Variants in TMEM169 observed in about 807,000 individuals in gnomAD.
TMEM169 encodes the protein transmembrane protein 169.
TMEM169 carries 18 observed loss-of-function variants against 27.3 expected under a neutral mutation model. The ratio of observed to expected loss-of-function variants is 0.66; its 90% CI spans 0.46 to 0.98. TMEM169 has a LOEUF of 0.98. TMEM169 is among the 50% of genes least tolerant of loss of function. TMEM169 has a pLI of 0.00. For synonymous variants in TMEM169, 136 were observed against 142.1 expected, an observed-to-expected ratio of 0.96 and a Z score of 0.30; for missense variants, 320 against 368.6, an observed-to-expected ratio of 0.87 and a Z score of 1.08.
intron 1 of TMEM169, among the ~76,000 whole-genome samples, chr2:216,083,155 G>A (rs577541637): frequency 2.0e-5 from 3 of 152,132 alleles, no homozygotes; most frequent in Non-Finnish European, 2.9e-5. Flanking sequence ...GTTAAAGAAA[G>A]GAATAAATCT....
At chr2:216,090,242 A>G (rs1696093923) in intron 1 of TMEM169, among the ~76,000 whole-genome samples, 1 of 152,196 alleles carries the variant, frequency 6.6e-6, no homozygotes, top group South Asian at 2.1e-4. Context: ...AAGAGCCAGT[A>G]GAAGGAAGTT....
intron 1 of TMEM169, among the ~76,000 whole-genome samples, chr2:216,090,900 CTG>C (rs1696106207): frequency 6.6e-6 from 1 of 152,192 alleles, no homozygotes; most frequent in South Asian, 2.1e-4. Flanking sequence ...TAGGAAAACA[CTG>C]TTTTTACAGT....
chr2:216,096,079 A>C lies in TMEM169; in HGVS notation c.116A>C (p.His39Pro), dbSNP rs781248619. Residue 39 changes from histidine (H) to proline (P), a missense_variant, in exon 2 of 3, where the codon CAC (histidine) becomes CCC (proline). Transcript: ENST00000437356. ...LALDGESTMG[H>P]RKKKRKESRP... ...CTGGATGGGGAATCCACAATGGGGC[A>C]CAGGAAAAAGAAGAGGAAAGAGTCA... The C allele has an allele frequency of 1.8e-5, 29 of 1,614,112 alleles. 1 individual carries two copies. In the South Asian group the frequency reaches 2.1e-4, roughly 12 times the overall value.
At position 216,102,378 on chromosome 2, in the gene TMEM169, A is replaced by T. The variant is rs1046149547; in HGVS notation, c.*1836A>T. On this transcript the variant is annotated 3_prime_UTR_variant, in exon 3 of 3. Coordinates refer to ENST00000437356, the MANE Select transcript of TMEM169 (RefSeq NM_001142311.2). ...ATTAACAGACTCTGAACTTAAAAAA[A>T]AAAATCACTCCTAAGGGTGTCCTTC... 1.3e-5 allele frequency: 2 copies of T among 152,424 alleles called. No individual in the cohort carries two copies. The highest frequency in any genetic ancestry group is 4.8e-5 in the African/African-American group (2 of 41,452). 9.4% of individuals were successfully genotyped at this position (152,424 alleles called of 1,614,324 possible). A position where few individuals can be genotyped will look rare whatever the true frequency, so the allele number is the denominator to read the frequency against.
intron 1 of TMEM169, among the ~76,000 whole-genome samples, chr2:216,085,447 A>C (rs1449381911): frequency 6.6e-6 from 1 of 152,200 alleles, no homozygotes; most frequent in Admixed American, 6.5e-5. Flanking sequence ...TGAGTGAGGA[A>C]TTGATTGGAA....
chr2:216,085,423 A>G (rs935350123), intron 1 of TMEM169, among the ~76,000 whole-genome samples: 1 of 152,114 alleles, frequency 6.6e-6, no homozygotes, highest in Non-Finnish European at 1.5e-5. Flanking sequence ...TAAGTAAAAG[A>G]TGTTGCTTAC....
In TMEM169 at chr2:216,101,391, G is replaced by C. The variant is rs1294050864; in HGVS notation, c.*849G>C. Reference sequence around the variant, plus strand: ...AAAGAGGCTGGAAATGTAGTTGTTTGGCTGGGTAGCTATATTCTCAGCTAA... The same window carrying C: ...AAAGAGGCTGGAAATGTAGTTGTTTCGCTGGGTAGCTATATTCTCAGCTAA... On this transcript the variant is annotated 3_prime_UTR_variant, in exon 3 of 3. Coordinates refer to ENST00000437356, the MANE Select transcript of TMEM169 (RefSeq NM_001142311.2). 6.6e-6 allele frequency: 1 copy of C among 152,250 alleles called. No individual in the cohort carries two copies. Among genetic ancestry groups the C allele is most frequent in the East Asian group, 1.9e-4 (1 of 5,202 alleles). The allele number at this position is 152,250 out of a possible 1,614,324, so 9.4% of individuals were successfully genotyped here. A position where few individuals can be genotyped will look rare whatever the true frequency, so the allele number is the denominator to read the frequency against.
chr2:216,088,095 T>A (rs1488866658), intron 1 of TMEM169, among the ~76,000 whole-genome samples: 1 of 149,992 alleles, frequency 6.7e-6, no homozygotes. Flanking sequence ...GAGGCTGAGG[T>A]TGCAGTGAGC....
At chr2:216,092,335 C>T (rs1696152853) in intron 1 of TMEM169, among the ~76,000 whole-genome samples, 1 of 152,112 alleles carries the variant, frequency 6.6e-6, no homozygotes, top group South Asian at 2.1e-4. Flanking sequence ...GAGTGTCGAA[C>T]ACTACACCTT....
chr2:216,098,755 G>C (rs1053921866), intron 2 of TMEM169, among the ~76,000 whole-genome samples: 14 of 149,716 alleles, frequency 9.4e-5, no homozygotes, highest in African/African-American at 2.9e-4. Flanking sequence ...GTGCGGTGTG[G>C]GTGTGGTGTA....
At chr2:216,088,394 G>A (rs1421390037) in intron 1 of TMEM169, among the ~76,000 whole-genome samples, 1 of 152,220 alleles carries the variant, frequency 6.6e-6, no homozygotes, top group Non-Finnish European at 1.5e-5. Context: ...AACCCGGGAG[G>A]CGGAGCTTGC....
In TMEM169 at chr2:216,099,936, T is replaced by C. The variant is rs372665623; in HGVS notation, c.288T>C (p.Pro96=). 1.1e-5 allele frequency: 18 copies of C among 1,613,036 alleles called. No homozygotes were observed. Among genetic ancestry groups the C allele is most frequent in the Admixed American group, 5.0e-5 (3 of 59,832 alleles). Residue 96 remains proline, a synonymous_variant, in exon 3 of 3, where the codon CCT becomes CCC. Transcript: ENST00000437356. This position sits in a 1 kb window ranked among gnomAD's most constrained non-coding sequence, Gnocchi z 5.0. ...YPVDDDMWNL[P]LDSRYVTLTG... ...ACCCTGCAGATATGTGGAACCTGCC[T>C]CTGGACAGCCGCTACGTCACCTTAA...
intron 2 of TMEM169, among the ~76,000 whole-genome samples, chr2:216,096,772 G>A (rs1322579687): frequency 1.3e-5 from 2 of 152,166 alleles, no homozygotes; most frequent in African/African-American, 4.8e-5. Flanking sequence ...CTAATGAAAT[G>A]GAAGAGGCTG....
chr2:216,096,313 C>G, intron 2 of TMEM169, 79 bp downstream of exon 2: 1 of 1,455,508 alleles, frequency 6.9e-7, no homozygotes, highest in Non-Finnish European at 9.3e-7. Flanking sequence ...CAGGCATATG[C>G]TCACTGTCCT....
chr2:216,095,934 T>C lies in TMEM169; in HGVS notation c.-30T>C. ...GTTTACTCAAACAAGTCCAACTCTT[T>C]ATAAGACATAGGTAGACGTCAGGTC... On this transcript the variant is annotated 5_prime_UTR_variant, in exon 2 of 3. Transcript: ENST00000437356. 6.3e-7 allele frequency: 1 copy of C among 1,594,880 alleles called. No homozygotes were observed. Among genetic ancestry groups the C allele is most frequent in the Non-Finnish European group, 8.5e-7 (1 of 1,171,706 alleles).
chr2:216,102,358 C>T lies in TMEM169; in HGVS notation c.*1816C>T, dbSNP rs151267103. The T allele has an allele frequency of 4.6e-3, 699 of 151,842 alleles. 7 individuals are homozygous for T. Among genetic ancestry groups the T allele is most frequent in the African/African-American group, 0.016 (658 of 41,138 alleles). 9.4% of individuals were successfully genotyped at this position (151,842 alleles called of 1,614,324 possible). A position where few individuals can be genotyped will look rare whatever the true frequency, so the allele number is the denominator to read the frequency against. Reference sequence around the variant, plus strand: ...TGTAAACTAGATTAATACAGATTAACAGACTCTGAACTTAAAAAAAAAAAT... The same window carrying T: ...TGTAAACTAGATTAATACAGATTAATAGACTCTGAACTTAAAAAAAAAAAT... On this transcript the variant is annotated 3_prime_UTR_variant, in exon 3 of 3. Transcript: ENST00000437356.
At position 216,095,875 on chromosome 2, in the gene TMEM169, T is replaced by C. The variant is rs1696249911; in HGVS notation, c.-89T>C. The C allele has an allele frequency of 6.2e-6, 9 of 1,461,182 alleles. No homozygotes were observed. The Admixed American group carries it at 8.7e-5, about 14-fold the overall frequency. 90.5% of individuals were successfully genotyped at this position (1,461,182 alleles called of 1,614,324 possible). A position where few individuals can be genotyped will look rare whatever the true frequency, so the allele number is the denominator to read the frequency against. The stretch of plus-strand genomic sequence containing the variant: ...CTTGGGACATCTTTGCATAGCCCCA[T>C]CTAGGAAGAAGTTCTGTGATGTGTG... On this transcript the variant is annotated 5_prime_UTR_variant, in exon 2 of 3. Coordinates refer to ENST00000437356, the MANE Select transcript of TMEM169 (RefSeq NM_001142311.2).
chr2:216,099,661 A>G lies in TMEM169; in HGVS notation c.272-259A>G, dbSNP rs1373939487. On this transcript the variant is annotated intron_variant, in intron 2 of 2. Transcript: ENST00000437356. The surrounding 1 kb of genome is among the most constrained non-coding windows in gnomAD (Gnocchi z 5.0). ...TGAGGCCCCAAAAAGCGGAGAGAGT[A>G]GGTGAAAAGCTTAACCTGCCTCACA... Among the ~76,000 whole-genome samples, 1 of 152,174 alleles carries G rather than the reference A, an allele frequency of 6.6e-6. No individual in the cohort carries two copies. The highest frequency in any genetic ancestry group is 1.5e-5 in the Non-Finnish European group (1 of 68,020).
chr2:216,097,317 C>T (rs936144567), intron 2 of TMEM169, among the ~76,000 whole-genome samples: 2 of 152,162 alleles, frequency 1.3e-5, no homozygotes, highest in Non-Finnish European at 2.9e-5. Context: ...AGGCAGATCA[C>T]GTGGGGTCAG....
Sources: allele counts gnomAD v4.1 joint callset (sites outside exome capture counted in the v4.1 genomes callset), GRCh38; gene constraint gnomAD v4.1.1; non-coding constraint Gnocchi (gnomAD v3.1); transcripts MANE v1.5; gene names NCBI Gene and HGNC (gene_info 2026-07-23, HGNC 2026-07-21).